Variants in MAGI3 observed in about 807,000 individuals in gnomAD.
MAGI3 encodes membrane-associated guanylate kinase, WW and PDZ domain-containing protein 3.
MAGI3 carries 43 observed loss-of-function variants against 121.8 expected under a neutral mutation model. The ratio of observed to expected loss-of-function variants is 0.35; its 90% confidence interval spans 0.28 to 0.46. MAGI3 has a LOEUF of 0.46. MAGI3 is among the 20% of genes least tolerant of loss of function. The pLI, the probability that MAGI3 is intolerant of heterozygous loss-of-function variation, is 1.00. For missense variants in MAGI3, 1,547 were observed against 1,797.3 expected, an observed-to-expected ratio of 0.86 and a Z score of 2.52; for synonymous variants, 553 against 639.3, an observed-to-expected ratio of 0.86 and a Z score of 2.04.
chr1:113,545,109 A>G (rs1659472944), intron 1 of MAGI3, among the ~76,000 whole-genome samples: 1 of 151,792 alleles, frequency 6.6e-6, no homozygotes, highest in South Asian at 2.1e-4. Flanking sequence ...ATCACTGAGA[A>G]TATGGGGTAA....
At chr1:113,542,243 G>A (rs1038872194) in intron 1 of MAGI3, among the ~76,000 whole-genome samples, 1 of 152,132 alleles carries the variant, frequency 6.6e-6, no homozygotes, top group African/African-American at 2.4e-5. Context: ...TAGCTACTGA[G>A]TAACTAATGT....
intron 5 of MAGI3, among the ~76,000 whole-genome samples, chr1:113,594,214 G>A (rs975772049): frequency 6.6e-6 from 1 of 152,192 alleles, no homozygotes; most frequent in African/African-American, 2.4e-5. Context: ...CTTAAATAGT[G>A]TCTGTTATTC....
At chr1:113,598,124 A>G (rs1649133109) in intron 6 of MAGI3, among the ~76,000 whole-genome samples, 1 of 152,098 alleles carries the variant, frequency 6.6e-6, no homozygotes, top group Non-Finnish European at 1.5e-5. Context: ...AGGCAGGAGA[A>G]TTGCTTAAAC....
intron 1 of MAGI3, among the ~76,000 whole-genome samples, chr1:113,423,611 GTGCTGATTGGTCCA>G (rs895808038): frequency 2.0e-5 from 3 of 152,262 alleles, no homozygotes; most frequent in African/African-American, 7.2e-5. Flanking sequence ...GAGAAAGTGT[GTGCTGATTGGTCCA>G]TGCGCAGCCA....
At chr1:113,416,108 A>C (rs1446559292) in intron 1 of MAGI3, among the ~76,000 whole-genome samples, 1 of 146,410 alleles carries the variant, frequency 6.8e-6, no homozygotes, top group South Asian at 2.1e-4. Context: ...TTAATGACAC[A>C]TATTAATTAT....
intron 1 of MAGI3, chr1:113,450,470 G>A: frequency 9.0e-7 from 1 of 1,106,990 alleles, no homozygotes; most frequent in Non-Finnish European, 1.4e-6. Context: ...TGGTGGTGGT[G>A]GACCAGGATA....
chr1:113,655,094 C>G (rs1557876972), intron 15 of MAGI3, among the ~76,000 whole-genome samples: 1 of 152,220 alleles, frequency 6.6e-6, no homozygotes, highest in East Asian at 1.9e-4. Context: ...CATGGAAACA[C>G]TTGGAACTGG....
intron 4 of MAGI3, among the ~76,000 whole-genome samples, chr1:113,586,107 AT>A (rs1648352263): frequency 6.6e-6 from 1 of 152,218 alleles, no homozygotes; most frequent in Non-Finnish European, 1.5e-5. Context: ...ACCAACAGAA[AT>A]TCAGTGGTGA....
intron 8 of MAGI3, among the ~76,000 whole-genome samples, chr1:113,622,121 A>T (rs1317084837): frequency 2.0e-5 from 3 of 152,194 alleles, no homozygotes; most frequent in Non-Finnish European, 4.4e-5. Flanking sequence ...TAAATTTGTT[A>T]AAAAATAGAT....
chr1:113,554,173 GAC>G (rs2101676914), intron 2 of MAGI3, among the ~76,000 whole-genome samples: 1 of 152,180 alleles, frequency 6.6e-6, no homozygotes, highest in African/African-American at 2.4e-5. Flanking sequence ...AAACAGAAAT[GAC>G]ACATGATGGC....
chr1:113,635,193 C>G (rs1651925000), intron 9 of MAGI3, among the ~76,000 whole-genome samples: 1 of 152,180 alleles, frequency 6.6e-6, no homozygotes, highest in Non-Finnish European at 1.5e-5. Context: ...TTGAGTTCCT[C>G]TTTTCCTAAT....
intron 6 of MAGI3, among the ~76,000 whole-genome samples, chr1:113,598,664 C>A (rs1201304251): frequency 6.6e-6 from 1 of 151,938 alleles, no homozygotes; most frequent in Admixed American, 6.6e-5. Flanking sequence ...AACTCTAGAG[C>A]CCCCAGATTC....
chr1:113,681,114 G>T (rs1648189116), intron 19 of MAGI3, 84 bp from the exon 20 acceptor site: 10 of 1,512,998 alleles, frequency 6.6e-6, no homozygotes, highest in Middle Eastern at 1.8e-4. Context: ...ACTTAGCAAG[G>T]TTGAATGGCT....
rs1185397645 is a variant in MAGI3, at chr1:113,416,221, A to C, written c.316+24872A>C. Among the ~76,000 whole-genome samples the C allele has an allele frequency of 1.2e-4, 16 of 137,486 alleles. 1 individual carries two copies. Among genetic ancestry groups the C allele is most frequent in the African/African-American group, 3.9e-4 (15 of 38,752 alleles). The allele number at this position is 137,486 out of a possible 152,430, so 90.2% of individuals were successfully genotyped here. ...ATTAATGACACATATTATTATGTGTAATTAATGACACATATTAATTATGTA... is the reference window on the plus strand; with the variant it reads ...ATTAATGACACATATTATTATGTGTCATTAATGACACATATTAATTATGTA... On this transcript the variant is annotated intron_variant, in intron 1 of 20. Transcript: ENST00000307546.
chr1:113,417,046 A>ATTTCATTTAT (rs1167503976), intron 1 of MAGI3, among the ~76,000 whole-genome samples: 1 of 151,998 alleles, frequency 6.6e-6, no homozygotes, highest in East Asian at 1.9e-4. Flanking sequence ...TTATTTTAAA[A>ATTTCATTTAT]TTTCATTTAT....
rs1200836944 is a variant in MAGI3, at chr1:113,682,824, CA to C, written c.3329-70del. ...CAGTTACGACAATTCAAATGGCTGT[CA>C]AAGTTCAAAACGTATTGTTCCTATT... is the stretch of plus-strand genomic sequence containing the variant. On this transcript the variant is annotated intron_variant, in intron 20 of 20. Transcript: ENST00000307546. The C allele has an allele frequency of 3.0e-5, 44 of 1,460,618 alleles. No individual in the cohort carries two copies. In the Admixed American group the frequency reaches 4.1e-4, roughly 13 times the overall value. The allele number at this position is 1,460,618 out of a possible 1,614,324, so 90.5% of individuals were successfully genotyped here.
At chr1:113,666,458 G>A (rs1010105989) in intron 16 of MAGI3, among the ~76,000 whole-genome samples, 4 of 152,150 alleles carry the variant, frequency 2.6e-5, no homozygotes, top group East Asian at 1.9e-4. Flanking sequence ...TTGCTCATCC[G>A]TAGGAAGCAA....
chr1:113,520,151 T>C (rs1354401037), intron 1 of MAGI3, among the ~76,000 whole-genome samples: 2 of 152,148 alleles, frequency 1.3e-5, no homozygotes, highest in African/African-American at 2.4e-5. Context: ...ACATCAAGCA[T>C]GTTAACTTTT....
intron 3 of MAGI3, 169 bp downstream of exon 3, chr1:113,580,830 T>C: frequency 2.1e-6 from 1 of 481,366 alleles, no homozygotes; most frequent in Admixed American, 4.1e-5. Flanking sequence ...TTAATTAAAA[T>C]GGGATTAAAT....
Sources: allele counts gnomAD v4.1 joint callset (sites outside exome capture counted in the v4.1 genomes callset), GRCh38; gene constraint gnomAD v4.1.1; transcripts MANE v1.5; gene names NCBI Gene and HGNC (gene_info 2026-07-23, HGNC 2026-07-21).